Variants in DISC1 observed in about 807,000 individuals in gnomAD.
DISC1 encodes the protein DISC1 scaffold protein.
DISC1 carries 57 observed loss-of-function variants against 84.5 expected under a neutral mutation model. The ratio of observed to expected loss-of-function variants is 0.67; its 90% confidence interval spans 0.55 to 0.84. DISC1 has a LOEUF of 0.84. Among genes scored for constraint, DISC1 ranks in the 40% least tolerant of loss-of-function variants. DISC1 has a pLI of 0.00. For missense variants in DISC1, 1,000 were observed against 1,057.8 expected (o/e 0.95, Z 0.76); for synonymous variants, 411 against 415.2 (o/e 0.99, Z 0.12).
chr1:231,694,267 G>A lies in DISC1; in HGVS notation c.509G>A (p.Arg170His), dbSNP rs760289681. Residue 170 changes from arginine to histidine, a missense_variant, in exon 2 of 13, where the codon CGT becomes CAT. By Grantham distance (29) the Arg-to-His change is conservative. Transcript: ENST00000439617. ...GCAGCCTGCAGCGATGGAGCAAGGC[G>A]TGTCCGGGCAGCAGGCTCTCTGCCA... ...WEAACSDGAR[R>H]VRAAGSLPSA... 6 of 1,614,266 alleles carry A rather than the reference G, an allele frequency of 3.7e-6. No individual in the cohort carries two copies. The highest frequency in any genetic ancestry group is 1.7e-5 in the Admixed American group (1 of 60,036).
At chr1:231,952,814 A>G (rs2102713407) in intron 9 of DISC1, among the ~76,000 whole-genome samples, 1 of 151,786 alleles carries the variant, frequency 6.6e-6, no homozygotes, top group East Asian at 1.9e-4. Flanking sequence ...TGAGATTTTC[A>G]TTTATTGATG....
chr1:231,713,660 C>T (rs1270083772), intron 3 of DISC1, among the ~76,000 whole-genome samples: 4 of 144,700 alleles, frequency 2.8e-5, no homozygotes, highest in Admixed American at 7.0e-5. Context: ...CTGAAGGGAC[C>T]TCTAGGACAT....
At chr1:231,898,078 T>TTAGAC in intron 9 of DISC1, among the ~76,000 whole-genome samples, 1 of 152,196 alleles carries the variant, frequency 6.6e-6, no homozygotes, top group South Asian at 2.1e-4. Context: ...CAGCAAGATG[T>TTAGAC]AATCAAGTGA....
In DISC1 at chr1:231,918,821, T is replaced by C. The variant is rs115944035; in HGVS notation, c.1982-40007T>C. On this transcript the variant is annotated intron_variant, in intron 9 of 12. Coordinates refer to ENST00000439617, the MANE Select transcript of DISC1 (RefSeq NM_018662.3). Reference sequence around the variant, plus strand: ...AAGTGAGAAGAAAACAAAGGCAAAGTTTCATACCTGGAAGGCTTCGTGCAC... The same window carrying C: ...AAGTGAGAAGAAAACAAAGGCAAAGCTTCATACCTGGAAGGCTTCGTGCAC... Among the ~76,000 whole-genome samples, 1,460 of 152,162 alleles carry C rather than the reference T, an allele frequency of 9.6e-3. 27 individuals are homozygous for C. The highest frequency in any genetic ancestry group is 0.033 in the African/African-American group (1,361 of 41,506).
intron 7 of DISC1, among the ~76,000 whole-genome samples, chr1:231,799,778 G>C (rs1263725048): frequency 6.7e-6 from 1 of 149,612 alleles, no homozygotes; most frequent in African/African-American, 2.5e-5. Flanking sequence ...GCATATGCTT[G>C]GAATATGCCA....
intron 9 of DISC1, among the ~76,000 whole-genome samples, chr1:231,896,942 G>A (rs2087738324): frequency 6.6e-6 from 1 of 152,182 alleles, no homozygotes; most frequent in Non-Finnish European, 1.5e-5. Flanking sequence ...CAGATTCTGT[G>A]AGTAAAACAA....
At chr1:231,832,222 T>G (rs1228716898) in intron 9 of DISC1, among the ~76,000 whole-genome samples, 1 of 152,028 alleles carries the variant, frequency 6.6e-6, no homozygotes, top group Non-Finnish European at 1.5e-5. Context: ...TTATGAGAAC[T>G]GTAGAGAGTG....
chr1:231,771,027 G>A lies in DISC1; in HGVS notation c.1591G>A (p.Gly531Ser), dbSNP rs56229136. The A allele has an allele frequency of 2.5e-5, 41 of 1,610,492 alleles. No individual in the cohort carries two copies. Among genetic ancestry groups the A allele is most frequent in the East Asian group, 8.9e-5 (4 of 44,784 alleles). The change falls in exon 6 of 13, where the codon GGT (glycine) becomes AGT (serine). Residue 531 changes from glycine to serine, a missense_variant. Gly to Ser is a moderately conservative substitution (Grantham distance 56). Coordinates refer to ENST00000439617, the MANE Select transcript of DISC1 (RefSeq NM_018662.3). ...CTTGCAGGACACCCTGGCCTCAGCC[G>A]GTCAGATTCCCTTCCATGCAGAGCC... ...KALQDTLASAGQIPFHAEPPE... is the reference protein window; with the variant it reads ...KALQDTLASASQIPFHAEPPE...
chr1:231,850,607 C>T (rs2083824359), intron 9 of DISC1, among the ~76,000 whole-genome samples: 1 of 151,982 alleles, frequency 6.6e-6, no homozygotes, highest in Non-Finnish European at 1.5e-5. Flanking sequence ...TAAGTTGTTG[C>T]TCTGTTAAGA....
intron 9 of DISC1, among the ~76,000 whole-genome samples, chr1:231,859,119 C>T (rs1021964119): frequency 6.6e-6 from 1 of 152,224 alleles, no homozygotes; most frequent in Non-Finnish European, 1.5e-5. Flanking sequence ...AGCTTAAAAA[C>T]AATACCTAGT....
At chr1:231,801,630 T>C (rs1216667001) in intron 8 of DISC1, among the ~76,000 whole-genome samples, 1 of 152,194 alleles carries the variant, frequency 6.6e-6, no homozygotes, top group Admixed American at 6.6e-5. Flanking sequence ...GTATGCTCTT[T>C]GGTGGACCGG....
chr1:231,795,203 T>A, intron 6 of DISC1, 39 bp from the exon 7 acceptor site: 1 of 1,598,256 alleles, frequency 6.3e-7, no homozygotes, highest in Non-Finnish European at 8.6e-7. Flanking sequence ...TGAATTGTGG[T>A]TACCAAGAAG....
chr1:231,886,151 CA>C (rs2086664904), intron 9 of DISC1, among the ~76,000 whole-genome samples: 1 of 152,176 alleles, frequency 6.6e-6, no homozygotes, highest in Non-Finnish European at 1.5e-5. Flanking sequence ...CCCCATGACC[CA>C]AACACCTCCC....
In DISC1 at chr1:231,941,398, G is replaced by A. The variant is rs576927367; in HGVS notation, c.1982-17430G>A. Among the ~76,000 whole-genome samples, 4 of 152,020 alleles carry A rather than the reference G, an allele frequency of 2.6e-5. No individual in the cohort carries two copies. The East Asian group carries it at 7.7e-4, about 29-fold the overall frequency. ...ATTCCAGGAGCAAGGCCAGCAAAGC[G>A]AGGTAGGAGAGCTCATAGATAATCC... On this transcript the variant is annotated intron_variant, in intron 9 of 12. Transcript: ENST00000439617.
intron 3 of DISC1, among the ~76,000 whole-genome samples, chr1:231,712,917 T>C (rs1050603175): frequency 6.6e-6 from 1 of 152,098 alleles, no homozygotes; most frequent in Non-Finnish European, 1.5e-5. Flanking sequence ...ATTAGGACAT[T>C]CAAAAGCACC....
In DISC1 at chr1:231,680,177, G is replaced by A. The variant is rs769266443; in HGVS notation, c.68-13649G>A. On this transcript the variant is annotated intron_variant, in intron 1 of 12. Transcript: ENST00000439617. ...CAGGGGGCGGAGGCTGTAGTGAGCC[G>A]AGATCGTGCCACTGCACTCCAGCCT... Among the ~76,000 whole-genome samples the A allele has an allele frequency of 2.0e-4, 31 of 152,232 alleles. No homozygotes were observed. In the Middle Eastern group the frequency reaches 0.01, roughly 50 times the overall value.
chr1:231,709,350 G>A (rs1021488678), intron 3 of DISC1, among the ~76,000 whole-genome samples: 1 of 152,122 alleles, frequency 6.6e-6, no homozygotes, highest in African/African-American at 2.4e-5. Context: ...AGCATAAAAT[G>A]TGATTTCACG....
chr1:231,658,147 C>T (rs189971542), intron 1 of DISC1, among the ~76,000 whole-genome samples: 4 of 151,966 alleles, frequency 2.6e-5, no homozygotes, highest in East Asian at 1.9e-4. Context: ...GTGTCCTGTA[C>T]GATTTCTTTG....
intron 10 of DISC1, among the ~76,000 whole-genome samples, chr1:231,990,608 G>A (rs953622447): frequency 3.9e-5 from 6 of 152,240 alleles, no homozygotes; most frequent in South Asian, 2.1e-4. Flanking sequence ...CTTCCCTCTC[G>A]CCTTTCCGTC....
Sources: gnomAD v4.1 joint callset for allele counts (sites outside exome capture counted in the v4.1 genomes callset) on GRCh38, gnomAD v4.1.1 for gene constraint, MANE v1.5 for transcripts, NCBI Gene and HGNC (gene_info 2026-07-23, HGNC 2026-07-21) for gene names.